Variants in MOK observed in about 807,000 individuals in gnomAD.
The protein encoded by MOK is MOK protein kinase.
In MOK, 59 loss-of-function variants were observed where a neutral mutation model predicts 54.2. That is an observed-to-expected ratio of 1.09 (90% CI 0.88 to 1.35). MOK has a LOEUF of 1.35. MOK is among the 40% of genes most tolerant of loss of function. The pLI is 0.00. For synonymous variants in MOK, 210 were observed against 202.7 expected (o/e 1.04, Z -0.31); for missense variants, 517 against 526.2 (o/e 0.98, Z 0.17).
At chr14:102,260,888 G>A (rs2067332960) in intron 4 of MOK, among the ~76,000 whole-genome samples, 2 of 152,054 alleles carry the variant, frequency 1.3e-5, no homozygotes, top group African/African-American at 2.4e-5. Flanking sequence ...TTGGGAGGCC[G>A]AGAAAGGCGG....
At chr14:102,260,222 T>G (rs2067278152) in intron 4 of MOK, among the ~76,000 whole-genome samples, 2 of 150,474 alleles carry the variant, frequency 1.3e-5, no homozygotes, top group Admixed American at 1.3e-4. Context: ...GGCGTGCTCC[T>G]GTAGTCCCAC....
chr14:102,265,960 T>C (rs1453342133), intron 2 of MOK, 48 bp from the exon 3 acceptor site: 1 of 1,342,500 alleles, frequency 7.4e-7, no homozygotes, highest in East Asian at 2.3e-5. Flanking sequence ...TTAGGTCAAC[T>C]TCAAAATTAG....
intron 4 of MOK, among the ~76,000 whole-genome samples, chr14:102,261,418 AATATATATATATATATAT>A (rs1197835093): frequency 0.011 from 472 of 42,828 alleles, 22 homozygotes; most frequent in African/African-American, 0.016. Flanking sequence ...AAAAAAAAAA[AATATATATATATATATAT>A]ATATATATAT....
chr14:102,222,247 C>A (rs2063978998), downstream of MOK, among the ~76,000 whole-genome samples: 1 of 152,208 alleles, frequency 6.6e-6, no homozygotes, highest in Admixed American at 6.5e-5. The surrounding 1 kb of genome is among the most constrained non-coding windows in gnomAD (Gnocchi z 4.4). Context: ...GGGGCTCCCC[C>A]GACCTCGGCC....
chr14:102,257,468 A>G (rs916795284), intron 4 of MOK, among the ~76,000 whole-genome samples: 3 of 152,180 alleles, frequency 2.0e-5, no homozygotes, highest in Non-Finnish European at 4.4e-5. Flanking sequence ...CAATCTATCC[A>G]TATCACAGAG....
intron 1 of MOK, among the ~76,000 whole-genome samples, chr14:102,286,395 G>T (rs952979323): frequency 2.0e-5 from 3 of 151,954 alleles, no homozygotes; most frequent in African/African-American, 7.3e-5. Context: ...GCCAAGGTGA[G>T]GATCACTTGA....
downstream of MOK, chr14:102,223,747 GTT>G (rs904298247): frequency 7.2e-5 from 11 of 152,182 alleles, no homozygotes; most frequent in Non-Finnish European, 2.9e-5. Flanking sequence ...GTATGGAATT[GTT>G]TTGTCTTTTT....
At chr14:102,277,783 T>C (rs1400469767) in intron 2 of MOK, among the ~76,000 whole-genome samples, 1 of 152,220 alleles carries the variant, frequency 6.6e-6, no homozygotes, top group African/African-American at 2.4e-5. Context: ...GTTATAGTAA[T>C]GTTCTACATC....
chr14:102,241,678 A>C (rs768513541), intron 7 of MOK, among the ~76,000 whole-genome samples: 19 of 150,086 alleles, frequency 1.3e-4, no homozygotes, highest in Non-Finnish European at 2.5e-4. Context: ...TCCAAAAATT[A>C]GATTCCGGCC....
downstream of MOK, chr14:102,226,305 T>C (rs1329037175): frequency 4.3e-6 from 3 of 702,578 alleles, no homozygotes; most frequent in African/African-American, 5.2e-5. This position sits in a 1 kb window ranked among gnomAD's most constrained non-coding sequence, Gnocchi z 4.8. Flanking sequence ...AGGGTGACAC[T>C]GCGGCCGGGC....
intron 7 of MOK, among the ~76,000 whole-genome samples, chr14:102,244,412 C>A (rs1298049724): frequency 6.6e-6 from 1 of 152,220 alleles, no homozygotes; most frequent in African/African-American, 2.4e-5. Flanking sequence ...CATTTCATAA[C>A]CTCTTCCACG....
At chr14:102,247,744 G>A (rs1484532446) in intron 7 of MOK, among the ~76,000 whole-genome samples, 6 of 152,204 alleles carry the variant, frequency 3.9e-5, no homozygotes, top group African/African-American at 9.6e-5. Flanking sequence ...CTTTCTAGAT[G>A]AACAGTGTTG....
chr14:102,224,190 C>T (rs965742899), downstream of MOK, among the ~76,000 whole-genome samples: 15 of 151,828 alleles, frequency 9.9e-5, no homozygotes, highest in African/African-American at 2.7e-4. Flanking sequence ...TACAGGCGCC[C>T]GCCACCACGC....
intron 2 of MOK, among the ~76,000 whole-genome samples, chr14:102,275,824 A>C (rs1486373769): frequency 6.6e-6 from 1 of 152,184 alleles, no homozygotes; most frequent in African/African-American, 2.4e-5. Flanking sequence ...ACTACCTGCA[A>C]AACACATTTA....
chr14:102,265,851 T>C lies in MOK; in HGVS notation c.184A>G (p.Asn62Asp), dbSNP rs147983922. 230 of 1,613,892 alleles carry C rather than the reference T, an allele frequency of 1.4e-4. No individual in the cohort carries two copies. The highest frequency in any genetic ancestry group is 4.9e-4 in the Middle Eastern group (3 of 6,084). ...QALRRLNPHP[N>D]ILMLHEVVFD... ...ACCACTTCATGCAACATAAGAATGT[T>C]TGGGTGCGGATTCAGGCGCCTCAGT... The change falls in exon 3 of 12, where the codon AAC becomes GAC. Residue 62 changes from asparagine (N) to aspartate (D), a missense_variant. Asn to Asp is a conservative substitution (Grantham distance 23). Coordinates refer to ENST00000361847, the MANE Select transcript of MOK (RefSeq NM_014226.3).
At chr14:102,303,673 G>A (rs1004304589) in intron 1 of MOK, among the ~76,000 whole-genome samples, 5 of 152,208 alleles carry the variant, frequency 3.3e-5, no homozygotes, top group Non-Finnish European at 7.3e-5. Context: ...GATGATGTAG[G>A]AGAATGTCCT....
At chr14:102,253,257 A>G (rs2066673570) in intron 4 of MOK, among the ~76,000 whole-genome samples, 1 of 152,254 alleles carries the variant, frequency 6.6e-6, no homozygotes, top group African/African-American at 2.4e-5. Flanking sequence ...TACAATGTGT[A>G]AGGATGAAAT....
intron 4 of MOK, among the ~76,000 whole-genome samples, chr14:102,259,845 AC>A (rs1486782003): frequency 2.6e-5 from 4 of 152,032 alleles, no homozygotes; most frequent in Admixed American, 6.6e-5. Flanking sequence ...AGAGATCGAG[AC>A]CATCCTGGCC....
At position 102,235,891 on chromosome 14, in the gene MOK, A is replaced by G. The variant is rs1011442730; in HGVS notation, c.591-2102T>C. On this transcript the variant is annotated intron_variant, in intron 7 of 11. Transcript: ENST00000361847. This position sits in a 1 kb window ranked among gnomAD's most constrained non-coding sequence, Gnocchi z 4.4. ...CAGGGATGAGCAAAATAAATTAGAT[A>G]AAGCCCAAAGAGATCGTGCTAAATA... Among the ~76,000 whole-genome samples the G allele has an allele frequency of 6.6e-6, 1 of 152,120 alleles. No individual in the cohort carries two copies. Among genetic ancestry groups the G allele is most frequent in the Non-Finnish European group, 1.5e-5 (1 of 68,034 alleles).
Sources: allele counts gnomAD v4.1 joint callset (sites outside exome capture counted in the v4.1 genomes callset), GRCh38; gene constraint gnomAD v4.1.1; non-coding constraint Gnocchi (gnomAD v3.1); transcripts MANE v1.5; gene names NCBI Gene and HGNC (gene_info 2026-07-23, HGNC 2026-07-21).